The following FOCAD variants were observed in gnomAD, a reference collection of about 807,000 sequenced individuals.
FOCAD encodes KIAA1797.
In FOCAD, 198 loss-of-function variants were observed where a neutral mutation model predicts 225.6. The observed-to-expected ratio is 0.88, with a 90% CI of 0.78 to 0.99. FOCAD has a LOEUF of 0.99. Ranked by LOEUF, FOCAD falls within the 50% of genes least tolerant of loss-of-function variation. The pLI, the probability that FOCAD is intolerant of heterozygous loss-of-function variation, is 0.00. For synonymous variants in FOCAD, 897 were observed against 755.0 expected (o/e 1.19, Z -3.08); for missense variants, 2,713 against 2,123.6 (o/e 1.28, Z -5.46).
rs141418481 is a variant in FOCAD at position 20,882,191 on chromosome 9, C to T, written c.2503+135C>T. On this transcript the variant is annotated intron_variant, in intron 20 of 43. Transcript: ENST00000338382. ...CATGTGGATAAATTATAAAAATCAT[C>T]GCACTTTAAAAGACATCGCAGAACT... 1.2e-3 allele frequency: 878 copies of T among 759,256 alleles called. 7 individuals are homozygous for T. The African/African-American group carries it at 0.014, about 12-fold the overall frequency. The allele number at this position is 759,256 out of a possible 1,614,324, so 47.0% of individuals were successfully genotyped here. A position where few individuals can be genotyped will look rare whatever the true frequency, so the allele number is the denominator to read the frequency against.
At chr9:20,673,753 C>T (rs750845298) in intron 2 of FOCAD, among the ~76,000 whole-genome samples, 1 of 152,146 alleles carries the variant, frequency 6.6e-6, no homozygotes, top group Non-Finnish European at 1.5e-5. Context: ...CACGTGCGTG[C>T]CACACGTGGT....
At chr9:20,702,273 T>G (rs907805905) in intron 1 of FOCAD, among the ~76,000 whole-genome samples, 1 of 152,082 alleles carries the variant, frequency 6.6e-6, no homozygotes, top group Non-Finnish European at 1.5e-5. Flanking sequence ...CAGCTAATTT[T>G]TAAAATTTTT....
At chr9:20,890,178 A>G (rs772518359) in intron 21 of FOCAD, among the ~76,000 whole-genome samples, 6 of 151,734 alleles carry the variant, frequency 4.0e-5, no homozygotes, top group Non-Finnish European at 7.4e-5. Flanking sequence ...AATTGTTTTT[A>G]TTGCTGGACT....
chr9:20,907,304 C>A (rs1358444190), intron 22 of FOCAD, 62 bp downstream of exon 22: 2 of 1,346,980 alleles, frequency 1.5e-6, no homozygotes, highest in Non-Finnish European at 2.1e-6. Flanking sequence ...TGTTTTGCTA[C>A]AAATGTGTAT....
chr9:20,908,076 A>G (rs188287178), intron 22 of FOCAD, among the ~76,000 whole-genome samples: 1 of 152,264 alleles, frequency 6.6e-6, no homozygotes, highest in Non-Finnish European at 1.5e-5. Flanking sequence ...ATAGTTTGTG[A>G]ATTTTTAAAT....
chr9:20,755,860 A>G (rs1053514435), intron 5 of FOCAD, among the ~76,000 whole-genome samples: 5 of 151,882 alleles, frequency 3.3e-5, no homozygotes, highest in Non-Finnish European at 5.9e-5. Context: ...GGGTCCTGCT[A>G]TGTTGCTCAG....
chr9:20,699,199 G>A (rs1289115206), intron 1 of FOCAD, among the ~76,000 whole-genome samples: 1 of 152,150 alleles, frequency 6.6e-6, no homozygotes, highest in Non-Finnish European at 1.5e-5. Context: ...CTATCAGTTT[G>A]GAAGTAAGCC....
chr9:20,809,181 A>G (rs528701153), intron 11 of FOCAD, among the ~76,000 whole-genome samples: 1 of 152,282 alleles, frequency 6.6e-6, no homozygotes, highest in East Asian at 1.9e-4. Context: ...CCCTATTGAT[A>G]GACATTTAAG....
intron 21 of FOCAD, among the ~76,000 whole-genome samples, chr9:20,893,845 C>A (rs1208621803): frequency 2.0e-5 from 3 of 152,034 alleles, no homozygotes; most frequent in African/African-American, 4.8e-5. Flanking sequence ...ATATTTGTTA[C>A]AAATAATGAA....
At chr9:20,704,626 C>A (rs369281591) in intron 1 of FOCAD, among the ~76,000 whole-genome samples, 28 of 152,242 alleles carry the variant, frequency 1.8e-4, no homozygotes, top group African/African-American at 6.5e-4. Context: ...ATCTATCTGG[C>A]TGAATTACAT....
chr9:20,752,799 A>T (rs200451361), intron 5 of FOCAD, among the ~76,000 whole-genome samples: 21 of 152,086 alleles, frequency 1.4e-4, no homozygotes, highest in East Asian at 5.8e-4. Context: ...GAGCATGGAA[A>T]GTTCTTCCAT....
At chr9:20,783,295 CCTT>C (rs766965831) in intron 10 of FOCAD, among the ~76,000 whole-genome samples, 4 of 152,126 alleles carry the variant, frequency 2.6e-5, no homozygotes, top group African/African-American at 7.2e-5. Flanking sequence ...TAAATATCCT[CCTT>C]ATGATACTGT....
intron 11 of FOCAD, among the ~76,000 whole-genome samples, chr9:20,808,110 C>T (rs1005077891): frequency 1.3e-5 from 2 of 152,010 alleles, no homozygotes; most frequent in Non-Finnish European, 2.9e-5. Flanking sequence ...AATAGTCTCA[C>T]AGATTCTGCA....
chr9:20,928,996 T>A, intron 26 of FOCAD: 1 of 159,774 alleles, frequency 6.3e-6, no homozygotes, highest in Non-Finnish European at 1.4e-5. Flanking sequence ...CTTCAGTTTT[T>A]TTTTTGTTTG....
chr9:20,961,386 G>C (rs1271685750), intron 35 of FOCAD, among the ~76,000 whole-genome samples: 1 of 151,956 alleles, frequency 6.6e-6, no homozygotes, highest in Non-Finnish European at 1.5e-5. Context: ...CTCATTCTTT[G>C]ACTGCTTCCT....
chr9:20,663,103 A>C (rs574463365), intron 2 of FOCAD, among the ~76,000 whole-genome samples: 21 of 152,260 alleles, frequency 1.4e-4, no homozygotes, highest in African/African-American at 4.8e-4. Context: ...AAATTAAATT[A>C]GGCTGGGTGT....
chr9:20,675,478 A>T (rs75492637), intron 2 of FOCAD, among the ~76,000 whole-genome samples: 2,505 of 152,338 alleles, frequency 0.016, 30 homozygotes, highest in Non-Finnish European at 0.026. Context: ...AAAAGATAAT[A>T]TACATCAATA....
chr9:20,709,726 A>G (rs1212663738), intron 1 of FOCAD, among the ~76,000 whole-genome samples: 2 of 152,202 alleles, frequency 1.3e-5, no homozygotes, highest in Non-Finnish European at 2.9e-5. Context: ...GTAAAGTCAT[A>G]TTGCAGCTTG....
intron 1 of FOCAD, among the ~76,000 whole-genome samples, chr9:20,705,528 G>A (rs1016712155): frequency 5.3e-5 from 8 of 152,090 alleles, no homozygotes; most frequent in African/African-American, 1.9e-4. Context: ...GGTATTTGAA[G>A]TAAGATTGTG....
Sources: gnomAD v4.1 joint callset for allele counts (sites outside exome capture counted in the v4.1 genomes callset) on GRCh38, gnomAD v4.1.1 for gene constraint, MANE v1.5 for transcripts, NCBI Gene and HGNC (gene_info 2026-07-23, HGNC 2026-07-21) for gene names.